Variants in PDHX observed in about 807,000 individuals in gnomAD.
PDHX encodes pyruvate dehydrogenase protein X component, mitochondrial.
PDHX carries 33 observed loss-of-function variants against 55.3 expected under a neutral mutation model. The observed-to-expected ratio is 0.60, with a 90% CI of 0.45 to 0.80. The LOEUF is 0.80. PDHX is among the 30% of genes least tolerant of loss of function. The probability of loss-of-function intolerance (pLI) is 0.00; values close to 1 mark genes in which losing one functional copy is unlikely to be tolerated. For missense variants in PDHX, 622 were observed against 619.9 expected, an observed-to-expected ratio of 1.00 and a Z score of -0.04; for synonymous variants, 226 against 219.4, an observed-to-expected ratio of 1.03 and a Z score of -0.27.
chr11:34,966,135 A>G (rs1397394622), intron 5 of PDHX, among the ~76,000 whole-genome samples: 2 of 152,208 alleles, frequency 1.3e-5, no homozygotes, highest in Non-Finnish European at 2.9e-5. Context: ...AAAATTAAAA[A>G]TGGTTTGATT....
intron 1 of PDHX, among the ~76,000 whole-genome samples, chr11:34,927,612 G>A (rs541215767): frequency 1.2e-4 from 19 of 152,090 alleles, no homozygotes; most frequent in Non-Finnish European, 2.4e-4. Context: ...AGAAAAATAC[G>A]TCTGGAAAAG....
chr11:34,925,444 CA>C (rs1476904033), intron 1 of PDHX, among the ~76,000 whole-genome samples: 10 of 152,132 alleles, frequency 6.6e-5, no homozygotes, highest in African/African-American at 2.4e-4. Flanking sequence ...TTTCTGCTTC[CA>C]AAATTGTATG....
chr11:34,957,641 T>C (rs1854935962), intron 4 of PDHX, 58 bp downstream of exon 4: 10 of 1,345,664 alleles, frequency 7.4e-6, no homozygotes, highest in Middle Eastern at 1.8e-4. Context: ...GCAGTTCTTA[T>C]GGAATTGTAA....
At chr11:34,973,934 T>A (rs1270687545) in intron 7 of PDHX, among the ~76,000 whole-genome samples, 1 of 152,244 alleles carries the variant, frequency 6.6e-6, no homozygotes, top group Non-Finnish European at 1.5e-5. Flanking sequence ...TAGTACAGAT[T>A]GACTGACAAT....
At chr11:34,936,766 G>A (rs568134495) in intron 2 of PDHX, among the ~76,000 whole-genome samples, 30 of 80,886 alleles carry the variant, frequency 3.7e-4, no homozygotes, top group African/African-American at 1.1e-3. Flanking sequence ...TTAATAGGAA[G>A]TGGTTTCTTT....
chr11:34,932,518 C>T (rs1854203347), intron 2 of PDHX, among the ~76,000 whole-genome samples: 1 of 152,124 alleles, frequency 6.6e-6, no homozygotes, highest in Admixed American at 6.5e-5. Context: ...TACGCAGACA[C>T]TTTACTGAAA....
intron 6 of PDHX, among the ~76,000 whole-genome samples, chr11:34,969,660 A>G (rs1855213368): frequency 6.6e-6 from 1 of 151,890 alleles, no homozygotes; most frequent in Non-Finnish European, 1.5e-5. Context: ...CAGTTTTATT[A>G]AGTGATATTT....
intron 2 of PDHX, among the ~76,000 whole-genome samples, chr11:34,945,438 C>G (rs1854599492): frequency 6.6e-6 from 1 of 152,066 alleles, no homozygotes; most frequent in African/African-American, 2.4e-5. Context: ...GGTAAAATTT[C>G]CTAGCCTTTA....
intron 2 of PDHX, among the ~76,000 whole-genome samples, chr11:34,939,498 T>C (rs1228307579): frequency 7.4e-6 from 1 of 134,792 alleles, no homozygotes; most frequent in Non-Finnish European, 1.6e-5. Flanking sequence ...TGTGTGTGTG[T>C]GTGTGTGCAC....
chr11:34,930,805 G>T (rs72912917), intron 1 of PDHX, among the ~76,000 whole-genome samples: 1 of 152,098 alleles, frequency 6.6e-6, no homozygotes, highest in African/African-American at 2.4e-5. Context: ...CAAAATGTGA[G>T]GTTAATTTAA....
At chr11:34,936,524 T>G (rs1369607958) in intron 2 of PDHX, among the ~76,000 whole-genome samples, 1 of 152,156 alleles carries the variant, frequency 6.6e-6, no homozygotes, top group Non-Finnish European at 1.5e-5. Flanking sequence ...ATAAATGGGC[T>G]TTTTAAAAAT....
chr11:34,924,196 C>T (rs1280749788), intron 1 of PDHX, among the ~76,000 whole-genome samples: 2 of 152,088 alleles, frequency 1.3e-5, no homozygotes, highest in Non-Finnish European at 2.9e-5. Context: ...AAATAACTAA[C>T]ATTTTTGAGA....
intron 4 of PDHX, 131 bp from the exon 5 acceptor site, chr11:34,960,289 A>C: frequency 1.5e-6 from 1 of 656,962 alleles, no homozygotes; most frequent in Non-Finnish European, 2.8e-6. Context: ...GACTGTGACC[A>C]TCTGTGGGAG....
intron 4 of PDHX, among the ~76,000 whole-genome samples, chr11:34,959,122 G>C (rs997568322): frequency 6.6e-6 from 1 of 151,738 alleles, no homozygotes; most frequent in African/African-American, 2.4e-5. Context: ...GTAGTAATTT[G>C]TTTACTACTT....
At chr11:34,936,064 G>A (rs1854301894) in intron 2 of PDHX, among the ~76,000 whole-genome samples, 1 of 152,186 alleles carries the variant, frequency 6.6e-6, no homozygotes, top group Non-Finnish European at 1.5e-5. Context: ...TGACAGATGT[G>A]GGGATCAGGA....
chr11:34,973,912 T>C (rs1855308434), intron 7 of PDHX, among the ~76,000 whole-genome samples: 1 of 152,180 alleles, frequency 6.6e-6, no homozygotes, highest in South Asian at 2.1e-4. Flanking sequence ...GAACTTCCTT[T>C]AATGCTTCTT....
intron 2 of PDHX, chr11:34,941,967 A>G (rs941820751): frequency 6.5e-6 from 1 of 152,742 alleles, no homozygotes; most frequent in Non-Finnish European, 1.5e-5. Flanking sequence ...GTGCAGGAAC[A>G]CTCCAGGGCT....
chr11:34,951,295 AT>A lies in PDHX; in HGVS notation c.342+3690del, dbSNP rs936349314. 2.0e-5 allele frequency among the ~76,000 whole-genome samples: 3 copies of A among 151,444 alleles called. 1 individual carries two copies. Among genetic ancestry groups the A allele is most frequent in the Non-Finnish European group, 2.9e-5 (2 of 67,858 alleles). On this transcript the variant is annotated intron_variant, in intron 3 of 10. Transcript: ENST00000227868. ...AGGATGGTCTCGATCTCCTGACCTCATGATCCACCCGCCTCGGCCTCCCAAA... is the reference window on the plus strand; with the variant it reads ...AGGATGGTCTCGATCTCCTGACCTCAGATCCACCCGCCTCGGCCTCCCAAA...
chr11:34,933,560 C>T (rs1199583466), intron 2 of PDHX, among the ~76,000 whole-genome samples: 2 of 152,184 alleles, frequency 1.3e-5, no homozygotes, highest in East Asian at 3.8e-4. Context: ...TTAGGAACGA[C>T]CCTGTGATGG....
Sources: gnomAD v4.1 joint callset for allele counts (sites outside exome capture counted in the v4.1 genomes callset) on GRCh38, gnomAD v4.1.1 for gene constraint, MANE v1.5 for transcripts, NCBI Gene and HGNC (gene_info 2026-07-23, HGNC 2026-07-21) for gene names.